PIK3AP1: variants seen among roughly 807,000 people sequenced by gnomAD.
PIK3AP1 encodes phosphoinositide 3-kinase adapter protein 1.
PIK3AP1 carries 21 observed loss-of-function variants against 88.1 expected under a neutral mutation model. The ratio of observed to expected loss-of-function variants is 0.24; its 90% CI spans 0.17 to 0.34. PIK3AP1 has a LOEUF of 0.34. Among genes scored for constraint, PIK3AP1 ranks in the 10% least tolerant of loss-of-function variants. The pLI, the probability that PIK3AP1 is intolerant of heterozygous loss-of-function variation, is 1.00. For synonymous variants in PIK3AP1, 398 were observed against 400.0 expected (o/e 1.00, Z 0.06); for missense variants, 828 against 1,035.7 (o/e 0.80, Z 2.75).
chr10:96,684,147 A>T (rs1474769374), intron 2 of PIK3AP1, among the ~76,000 whole-genome samples: 1 of 152,244 alleles, frequency 6.6e-6, no homozygotes, highest in South Asian at 2.1e-4. Flanking sequence ...ACAGTTAGGC[A>T]TTGTGTAGAG....
At chr10:96,614,224 G>A (rs771494003) in intron 13 of PIK3AP1, among the ~76,000 whole-genome samples, 2 of 152,088 alleles carry the variant, frequency 1.3e-5, no homozygotes, top group African/African-American at 2.4e-5. Flanking sequence ...TGGGTGCAAC[G>A]CCAAATCACA....
At chr10:96,700,280 C>T (rs1564988456) in intron 2 of PIK3AP1, among the ~76,000 whole-genome samples, 1 of 152,314 alleles carries the variant, frequency 6.6e-6, no homozygotes, top group South Asian at 2.1e-4. Context: ...CGAGATCTCT[C>T]GGCTTTGCAG....
rs140930901 is a variant in PIK3AP1, at chr10:96,680,959, C to T, written c.431-24025G>A. On this transcript the variant is annotated intron_variant, in intron 2 of 16. Transcript: ENST00000339364. ...AGTGTAAAATCTACCCAGTCACCTA[C>T]GAGTGTTATCCATCAATAAATCTGT... 1.9e-3 allele frequency among the ~76,000 whole-genome samples: 293 copies of T among 152,314 alleles called. 2 individuals are homozygous for T. Among genetic ancestry groups the T allele is most frequent in the African/African-American group, 6.6e-3 (274 of 41,566 alleles).
chr10:96,693,458 T>TGGATGGATGGATGGAA (rs1178708718), intron 2 of PIK3AP1, among the ~76,000 whole-genome samples: 1 of 152,086 alleles, frequency 6.6e-6, no homozygotes, highest in East Asian at 1.9e-4. Flanking sequence ...GATGGATGGA[T>TGGATGGATGGATGGAA]GGATGGATGG....
At chr10:96,663,408 T>C (rs1210187933) in intron 2 of PIK3AP1, among the ~76,000 whole-genome samples, 1 of 151,786 alleles carries the variant, frequency 6.6e-6, no homozygotes, top group Non-Finnish European at 1.5e-5. Context: ...GGCAGGTGGA[T>C]CACCTGAGGT....
Position 96,645,657 on chromosome 10 carries a change from C to A in PIK3AP1, c.1191G>T (p.Thr397=). 1 of 1,588,392 alleles carries A rather than the reference C, an allele frequency of 6.3e-7. No individual in the cohort carries two copies. The part of the protein sequence containing the change: ...LRQFIDEYVE[T]VDMLKSHIKE... ...TAATGTGACTCTTGAGCATGTCCAC[C>A]GTTTCCTGAAAGAGAAGATGAGGCC... Residue 397 remains threonine (T), a synonymous_variant, in exon 8 of 17, where the codon ACG becomes ACT. Transcript: ENST00000339364.
chr10:96,720,339 G>C lies in PIK3AP1; in HGVS notation c.13+43C>G. 1 of 1,242,916 alleles carries C rather than the reference G, an allele frequency of 8.0e-7. No individual in the cohort carries two copies. The highest frequency in any genetic ancestry group is 1.0e-6 in the Non-Finnish European group (1 of 987,678). The allele number at this position is 1,242,916 out of a possible 1,614,324, so 77.0% of individuals were successfully genotyped here. A position where few individuals can be genotyped will look rare whatever the true frequency, so the allele number is the denominator to read the frequency against. On this transcript the variant is annotated intron_variant, in intron 1 of 16. Coordinates refer to ENST00000339364, the MANE Select transcript of PIK3AP1 (RefSeq NM_152309.3). This position sits in a 1 kb window ranked among gnomAD's most constrained non-coding sequence, Gnocchi z 4.6. Reference sequence around the variant, plus strand: ...GCCTCAAGGGATGCGGGGTACGAGAGAGGGGCCGGGAGCCCGGGGACCCGC... The same window carrying C: ...GCCTCAAGGGATGCGGGGTACGAGACAGGGGCCGGGAGCCCGGGGACCCGC...
At chr10:96,653,658 TTC>T (rs1300613308) in intron 3 of PIK3AP1, among the ~76,000 whole-genome samples, 2 of 151,770 alleles carry the variant, frequency 1.3e-5, no homozygotes, top group African/African-American at 4.8e-5. Flanking sequence ...CGGCAAATTT[TTC>T]TCTGTTTAGT....
At chr10:96,617,185 T>G (rs1849228457) in intron 12 of PIK3AP1, among the ~76,000 whole-genome samples, 1 of 152,234 alleles carries the variant, frequency 6.6e-6, no homozygotes, top group African/African-American at 2.4e-5. Context: ...GTGCACACTC[T>G]TGTGCCTTGC....
intron 11 of PIK3AP1, chr10:96,620,915 A>T: frequency 4.4e-6 from 1 of 225,830 alleles, no homozygotes; most frequent in Non-Finnish European, 9.0e-6. Flanking sequence ...TTCTGCTTAG[A>T]GACTCTGGTG....
At chr10:96,702,228 C>T (rs565525755) in intron 2 of PIK3AP1, among the ~76,000 whole-genome samples, 1 of 152,250 alleles carries the variant, frequency 6.6e-6, no homozygotes, top group Admixed American at 6.5e-5. Context: ...AGGCCAGACG[C>T]GGTGGCTCAT....
At position 96,710,704 on chromosome 10, in the gene PIK3AP1, C is replaced by T. The variant is rs190981111; in HGVS notation, c.14-721G>A. ...GGCACTCTTCCAAGCACATTGCCTACTAAACTCATTACATCTTCACAGCAA... is the reference window on the plus strand; with the variant it reads ...GGCACTCTTCCAAGCACATTGCCTATTAAACTCATTACATCTTCACAGCAA... On this transcript the variant is annotated intron_variant, in intron 1 of 16. Coordinates refer to ENST00000339364, the MANE Select transcript of PIK3AP1 (RefSeq NM_152309.3). Among the ~76,000 whole-genome samples, 74 of 152,314 alleles carry T rather than the reference C, an allele frequency of 4.9e-4. 1 individual carries two copies. Among genetic ancestry groups the T allele is most frequent in the Admixed American group, 2.0e-3 (31 of 15,298 alleles).
intron 13 of PIK3AP1, among the ~76,000 whole-genome samples, chr10:96,616,112 A>T (rs758631403): frequency 2.0e-5 from 3 of 152,020 alleles, no homozygotes; most frequent in Non-Finnish European, 4.4e-5. Flanking sequence ...GCTTAAGGGG[A>T]GCGGGGGCCC....
chr10:96,713,581 G>T (rs918172156), intron 1 of PIK3AP1, among the ~76,000 whole-genome samples: 4 of 151,174 alleles, frequency 2.6e-5, no homozygotes, highest in Non-Finnish European at 5.9e-5. Flanking sequence ...CTACTCAGGA[G>T]ACTGAGGTAG....
intron 2 of PIK3AP1, among the ~76,000 whole-genome samples, chr10:96,706,158 G>T (rs1339708288): frequency 6.6e-6 from 1 of 152,106 alleles, no homozygotes; most frequent in Non-Finnish European, 1.5e-5. Context: ...CTCCCAAAGG[G>T]CTGGGATTAC....
At chr10:96,622,969 G>A (rs559909026) in intron 11 of PIK3AP1, among the ~76,000 whole-genome samples, 5 of 152,186 alleles carry the variant, frequency 3.3e-5, no homozygotes, top group Non-Finnish European at 7.4e-5. Context: ...TTATCATTAG[G>A]TAAAGACTGA....
At chr10:96,596,115 C>T (rs142609807) in intron 16 of PIK3AP1, among the ~76,000 whole-genome samples, 50 of 152,196 alleles carry the variant, frequency 3.3e-4, no homozygotes, top group African/African-American at 1.2e-3. Context: ...AGTCCAGATG[C>T]ATGCCCCAAC....
intron 16 of PIK3AP1, among the ~76,000 whole-genome samples, 176 bp downstream of exon 16, chr10:96,602,104 T>C (rs12242967): frequency 0.032 from 4,928 of 152,296 alleles, 258 homozygotes; most frequent in African/African-American, 0.11. Flanking sequence ...AGGATGGTCT[T>C]GATCTCTGGA....
intron 9 of PIK3AP1, 152 bp downstream of exon 9, chr10:96,628,246 T>C (rs1293309095): frequency 5.6e-6 from 4 of 716,016 alleles, no homozygotes; most frequent in Non-Finnish European, 9.9e-6. Context: ...GGTAGAGGGG[T>C]CGGGGGAGGC....
Sources: allele counts gnomAD v4.1 joint callset (sites outside exome capture counted in the v4.1 genomes callset), GRCh38; gene constraint gnomAD v4.1.1; non-coding constraint Gnocchi (gnomAD v3.1); transcripts MANE v1.5; gene names NCBI Gene and HGNC (gene_info 2026-07-23, HGNC 2026-07-21).